The following MAPK6 variants were observed in gnomAD, a reference collection of about 807,000 sequenced individuals.
MAPK6 encodes mitogen-activated protein kinase 6, also known as ERK-3.
In MAPK6, 19 loss-of-function variants were observed where a neutral mutation model predicts 59.3. That is an observed-to-expected ratio of 0.32 (90% CI 0.22 to 0.47). The LOEUF (loss-of-function observed/expected upper bound fraction) is 0.47, where lower values mean the gene tolerates loss of function less well. MAPK6 is among the 20% of genes least tolerant of loss of function. MAPK6 has a pLI of 1.00. For missense variants in MAPK6, 724 were observed against 847.9 expected (o/e 0.85, Z 1.81); for synonymous variants, 316 against 290.3 (o/e 1.09, Z -0.90).
At chr15:52,059,028 G>A (rs534490226) in intron 4 of MAPK6, among the ~76,000 whole-genome samples, 1 of 152,326 alleles carries the variant, frequency 6.6e-6, no homozygotes, top group Admixed American at 6.5e-5. Flanking sequence ...CAAGTAGCAA[G>A]TATTTTGAAT....
At chr15:52,018,384 T>C (rs1228934872), upstream of MAPK6, among the ~76,000 whole-genome samples, 3 of 152,178 alleles carry the variant, frequency 2.0e-5, no homozygotes, top group Non-Finnish European at 4.4e-5. Context: ...CCCATAATAA[T>C]GACTAGAAGG....
intron 3 of MAPK6, among the ~76,000 whole-genome samples, chr15:52,008,775 G>A (rs1420445377): frequency 2.6e-5 from 4 of 152,168 alleles, no homozygotes; most frequent in South Asian, 2.1e-4. Flanking sequence ...GTGAGGCCAG[G>A]ATGGGCAGAT....
At chr15:52,058,828 A>G (rs940176325) in intron 4 of MAPK6, 31 bp downstream of exon 4, 2 of 1,568,812 alleles carry the variant, frequency 1.3e-6, no homozygotes, top group East Asian at 4.6e-5. Context: ...CCCTCACGTT[A>G]ATGCCTGTGT....
intron 2 of MAPK6, among the ~76,000 whole-genome samples, chr15:51,991,571 A>G (rs1230668086): frequency 1.3e-5 from 2 of 152,250 alleles, no homozygotes; most frequent in Admixed American, 1.3e-4. Flanking sequence ...GACATGAAAA[A>G]GAAATGGTAC....
intron 3 of MAPK6, among the ~76,000 whole-genome samples, chr15:52,009,714 G>A (rs1238264197): frequency 6.6e-6 from 1 of 152,014 alleles, no homozygotes; most frequent in African/African-American, 2.4e-5. Flanking sequence ...TATAGTTTTT[G>A]TCTCAGAAAT....
At chr15:52,030,978 G>C (rs1053212258) in intron 1 of MAPK6, among the ~76,000 whole-genome samples, 2 of 151,970 alleles carry the variant, frequency 1.3e-5, no homozygotes, top group Non-Finnish European at 2.9e-5. Context: ...ATTTTTAGTA[G>C]AGACAGGGTT....
At chr15:51,990,351 G>A (rs1313176557) in intron 2 of MAPK6, among the ~76,000 whole-genome samples, 1 of 152,240 alleles carries the variant, frequency 6.6e-6, no homozygotes, top group Non-Finnish European at 1.5e-5. Context: ...ATCTCCTGCT[G>A]TAGTTACATA....
At chr15:52,020,551 T>C (rs1448221994) in intron 1 of MAPK6, among the ~76,000 whole-genome samples, 2 of 152,174 alleles carry the variant, frequency 1.3e-5, no homozygotes, top group South Asian at 4.1e-4. Context: ...AATTTTCTGA[T>C]GGCTGATTCT....
intron 1 of MAPK6, among the ~76,000 whole-genome samples, chr15:51,979,049 T>G (rs2057165251): frequency 7.0e-6 from 1 of 143,856 alleles, no homozygotes; most frequent in Admixed American, 7.2e-5. Flanking sequence ...AAGTCAAGGC[T>G]GCAGTGAGCC....
chr15:52,012,082 T>C (rs189229457), intron 3 of MAPK6, among the ~76,000 whole-genome samples: 17 of 152,276 alleles, frequency 1.1e-4, no homozygotes, highest in Admixed American at 1.0e-3. Context: ...TCCAAAACAA[T>C]CCTTTCTTAT....
chr15:52,036,690 C>G (rs1035702842), intron 1 of MAPK6, among the ~76,000 whole-genome samples: 2 of 152,178 alleles, frequency 1.3e-5, no homozygotes, highest in Non-Finnish European at 1.5e-5. Context: ...TGGACTCTTT[C>G]AGTAGGGCCA....
At chr15:52,058,921 A>C (rs530157428) in intron 4 of MAPK6, 124 bp downstream of exon 4, 5 of 675,750 alleles carry the variant, frequency 7.4e-6, no homozygotes, top group Admixed American at 3.6e-5. Context: ...TAGACACTTA[A>C]GGTGTACGTA....
intron 2 of MAPK6, among the ~76,000 whole-genome samples, chr15:52,003,310 C>T (rs987245413): frequency 1.3e-5 from 2 of 152,230 alleles, no homozygotes. Context: ...CACCAGCTCC[C>T]TCCCTCGACA....
intron 3 of MAPK6, among the ~76,000 whole-genome samples, chr15:52,012,295 ATG>A (rs1271010908): frequency 6.6e-6 from 1 of 152,148 alleles, no homozygotes; most frequent in Non-Finnish European, 1.5e-5. Flanking sequence ...CTAATTTGCT[ATG>A]TGTGGTAGCT....
At chr15:52,044,911 T>C (rs1006279330) in intron 1 of MAPK6, among the ~76,000 whole-genome samples, 1 of 150,686 alleles carries the variant, frequency 6.6e-6, no homozygotes, top group Non-Finnish European at 1.5e-5. Flanking sequence ...TTGGTATTTG[T>C]CTCATTTTTT....
chr15:51,988,693 T>A (rs527353600), intron 2 of MAPK6, among the ~76,000 whole-genome samples: 1 of 151,428 alleles, frequency 6.6e-6, no homozygotes, highest in South Asian at 2.1e-4. Context: ...GGCCACACCA[T>A]TGCACTCCAG....
intron 1 of MAPK6, among the ~76,000 whole-genome samples, chr15:52,029,192 C>CA (rs547311340): frequency 8.1e-4 from 124 of 152,266 alleles, no homozygotes; most frequent in Non-Finnish European, 3.4e-4. Flanking sequence ...CGCACACCAC[C>CA]ACGCCTGGCT....
upstream of MAPK6, among the ~76,000 whole-genome samples, chr15:52,016,669 C>A (rs370359057): frequency 6.6e-6 from 1 of 152,134 alleles, no homozygotes. Flanking sequence ...CTCTCCCCCT[C>A]CTCTGCCCAC....
intron 4 of MAPK6, among the ~76,000 whole-genome samples, chr15:52,060,313 T>G (rs2032150860): frequency 6.6e-6 from 1 of 152,230 alleles, no homozygotes; most frequent in Admixed American, 6.5e-5. Context: ...AAGGCCATCT[T>G]TCTCACTTAG....
Sources: allele counts gnomAD v4.1 joint callset (sites outside exome capture counted in the v4.1 genomes callset), GRCh38; gene constraint gnomAD v4.1.1; transcripts MANE v1.5; gene names NCBI Gene and HGNC (gene_info 2026-07-23, HGNC 2026-07-21).